TEN1: variants seen among roughly 807,000 people sequenced by gnomAD.
TEN1 encodes TEN1 subunit of CST complex.
TEN1 carries 6 observed loss-of-function variants against 9.3 expected under a neutral mutation model. The ratio of observed to expected loss-of-function variants is 0.65; its 90% CI spans 0.35 to 1.27. The LOEUF (loss-of-function observed/expected upper bound fraction) is 1.27, where lower values mean the gene tolerates loss of function less well. Among genes scored for constraint, TEN1 ranks in the 50% most tolerant of loss-of-function variants. The pLI, the probability that TEN1 is intolerant of heterozygous loss-of-function variation, is 0.03. For synonymous variants in TEN1, 65 were observed against 65.6 expected, an observed-to-expected ratio of 0.99 and a Z score of 0.04; for missense variants, 149 against 158.2, an observed-to-expected ratio of 0.94 and a Z score of 0.31.
chr17:76,000,380 C>G lies in TEN1; in HGVS notation c.*118C>G. On this transcript the variant is annotated 3_prime_UTR_variant, in exon 4 of 4. Coordinates refer to ENST00000397640, the MANE Select transcript of TEN1 (RefSeq NM_001113324.3). The surrounding 1 kb of genome is among the most constrained non-coding windows in gnomAD (Gnocchi z 5.9). ...ACGGCCTTGTCTGGAGCTCGAAAGC[C>G]GAGGGGCGGGTGATGAATCCAGCCC... 1 of 1,386,738 alleles carries G rather than the reference C, an allele frequency of 7.2e-7. No individual in the cohort carries two copies. Among genetic ancestry groups the G allele is most frequent in the Non-Finnish European group, 9.5e-7 (1 of 1,049,706 alleles). The allele number at this position is 1,386,738 out of a possible 1,614,324, so 85.9% of individuals were successfully genotyped here.
intron 3 of TEN1, among the ~76,000 whole-genome samples, chr17:75,999,008 T>C (rs191626822): frequency 6.6e-6 from 1 of 150,982 alleles, no homozygotes; most frequent in Non-Finnish European, 1.5e-5. Flanking sequence ...TTTTTTAACT[T>C]TTTTTTTTCT....
At chr17:75,991,324 T>C (rs910376141) in intron 2 of TEN1, 142 bp from the exon 3 acceptor site, 2 of 823,464 alleles carry the variant, frequency 2.4e-6, no homozygotes, top group African/African-American at 3.5e-5. Context: ...CATTTTTTTC[T>C]GGTTTGTTGC....
chr17:75,988,408 A>G (rs2066164976), intron 2 of TEN1, among the ~76,000 whole-genome samples: 2 of 151,514 alleles, frequency 1.3e-5, no homozygotes. Context: ...AAAATATACA[A>G]AAAATTAGCC....
intron 3 of TEN1, among the ~76,000 whole-genome samples, chr17:75,993,059 A>G (rs572866505): frequency 2.0e-5 from 3 of 146,684 alleles, no homozygotes; most frequent in Non-Finnish European, 3.0e-5. Flanking sequence ...CCATTTCTGT[A>G]TGGATTGCCT....
intron 1 of TEN1, among the ~76,000 whole-genome samples, chr17:75,985,804 A>G (rs1168822799): frequency 6.6e-6 from 1 of 151,642 alleles, no homozygotes; most frequent in African/African-American, 2.4e-5. Context: ...GATTATAGGC[A>G]TGAGCCACTG....
At chr17:75,999,404 G>A (rs1479948555) in intron 3 of TEN1, among the ~76,000 whole-genome samples, 3 of 151,776 alleles carry the variant, frequency 2.0e-5, no homozygotes, top group South Asian at 4.1e-4. Context: ...GTGCAGTGGC[G>A]TGATCTTGGC....
At chr17:75,987,931 A>G (rs1244848744) in intron 2 of TEN1, among the ~76,000 whole-genome samples, 3 of 148,824 alleles carry the variant, frequency 2.0e-5, no homozygotes, top group Non-Finnish European at 4.5e-5. Flanking sequence ...AAAAAAAAAA[A>G]AAAAAAAAGA....
intron 1 of TEN1, 64 bp downstream of exon 1, chr17:75,979,575 GC>G (rs1442903983): frequency 4.0e-6 from 1 of 250,354 alleles, no homozygotes; most frequent in Admixed American, 5.1e-5. Context: ...GCCTGCACTT[GC>G]CCCCCTCTTA....
chr17:75,986,086 C>A, intron 1 of TEN1, 101 bp from the exon 2 acceptor site: 1 of 941,914 alleles, frequency 1.1e-6, no homozygotes, highest in Non-Finnish European at 1.5e-6. Context: ...TGGAATTAGT[C>A]TTCAAGATGC....
chr17:75,997,559 C>T (rs12945400), intron 3 of TEN1, among the ~76,000 whole-genome samples: 8,904 of 152,208 alleles, frequency 0.058, 290 homozygotes, highest in Middle Eastern at 0.11. Context: ...GCTCCTTCCT[C>T]TAGTCTAAGA....
At chr17:75,981,359 G>A (rs920825223) in intron 1 of TEN1, among the ~76,000 whole-genome samples, 6 of 151,950 alleles carry the variant, frequency 3.9e-5, no homozygotes, top group Non-Finnish European at 8.8e-5. Context: ...GCTAATTTTT[G>A]TGTCTTTATT....
At chr17:75,999,800 C>G (rs913554910) in intron 3 of TEN1, among the ~76,000 whole-genome samples, 17 of 152,278 alleles carry the variant, frequency 1.1e-4, no homozygotes, top group Middle Eastern at 6.8e-3. Flanking sequence ...TAAAGCCAAA[C>G]TTACCGGGAG....
At chr17:75,998,052 A>C (rs1179291710) in intron 3 of TEN1, among the ~76,000 whole-genome samples, 2 of 151,484 alleles carry the variant, frequency 1.3e-5, no homozygotes, top group Non-Finnish European at 2.9e-5. Context: ...GGGTTTCACC[A>C]TGTTGGCCAG....
At chr17:75,989,864 C>T (rs2066174721) in intron 2 of TEN1, among the ~76,000 whole-genome samples, 1 of 151,820 alleles carries the variant, frequency 6.6e-6, no homozygotes, top group Non-Finnish European at 1.5e-5. Context: ...CCCTCAGCCT[C>T]CCAAGTAGCT....
chr17:75,986,816 T>G (rs2066155240), intron 2 of TEN1, among the ~76,000 whole-genome samples: 1 of 151,904 alleles, frequency 6.6e-6, no homozygotes, highest in African/African-American at 2.4e-5. Context: ...TCACCCATAA[T>G]CCCATTACCC....
rs769237480 is a variant in TEN1 at position 76,000,311 on chromosome 17, C to T, written c.*49C>T. Reference sequence around the variant, plus strand: ...TCACCTGCTTCAGAGCCCGAACCCTCTGGAGCTGCAGGAGCCCGGGAGAGC... The same window carrying T: ...TCACCTGCTTCAGAGCCCGAACCCTTTGGAGCTGCAGGAGCCCGGGAGAGC... On this transcript the variant is annotated 3_prime_UTR_variant, in exon 4 of 4. Transcript: ENST00000397640. This position sits in a 1 kb window ranked among gnomAD's most constrained non-coding sequence, Gnocchi z 5.9. The T allele has an allele frequency of 6.5e-7, 1 of 1,529,722 alleles. No homozygotes were observed. Among genetic ancestry groups the T allele is most frequent in the South Asian group, 1.2e-5 (1 of 81,832 alleles). The allele number at this position is 1,529,722 out of a possible 1,614,324, so 94.8% of individuals were successfully genotyped here. A position where few individuals can be genotyped will look rare whatever the true frequency, so the allele number is the denominator to read the frequency against.
chr17:75,996,261 G>A (rs918601068), intron 3 of TEN1, among the ~76,000 whole-genome samples: 3 of 152,104 alleles, frequency 2.0e-5, no homozygotes, highest in African/African-American at 7.2e-5. Flanking sequence ...CGAGGTGGGT[G>A]GATCACTTGA....
chr17:75,990,404 A>C (rs1377117361), intron 2 of TEN1, among the ~76,000 whole-genome samples: 2 of 152,172 alleles, frequency 1.3e-5, no homozygotes, highest in Admixed American at 6.6e-5. Context: ...ACATACAAAA[A>C]AAAATTTACA....
intron 1 of TEN1, among the ~76,000 whole-genome samples, chr17:75,985,698 AT>A (rs1293050858): frequency 6.1e-4 from 92 of 151,490 alleles, no homozygotes; most frequent in Non-Finnish European, 7.4e-5. Flanking sequence ...CTAATTTTGT[AT>A]TTTTAGTAGA....
Sources: allele counts gnomAD v4.1 joint callset (sites outside exome capture counted in the v4.1 genomes callset), GRCh38; gene constraint gnomAD v4.1.1; non-coding constraint Gnocchi (gnomAD v3.1); transcripts MANE v1.5; gene names NCBI Gene and HGNC (gene_info 2026-07-23, HGNC 2026-07-21).